The following STK3 variants were observed in gnomAD, a reference collection of about 807,000 sequenced individuals.
STK3 encodes serine/threonine-protein kinase 3.
In STK3, 41 loss-of-function variants were observed where a neutral mutation model predicts 58.0. The ratio of observed to expected loss-of-function variants is 0.71; its 90% CI spans 0.55 to 0.92. The LOEUF is 0.92. Among genes scored for constraint, STK3 ranks in the 40% least tolerant of loss-of-function variants. The pLI is 0.00. For missense variants in STK3, 479 were observed against 602.7 expected, an observed-to-expected ratio of 0.79 and a Z score of 2.15; for synonymous variants, 170 against 191.0, an observed-to-expected ratio of 0.89 and a Z score of 0.91.
Position 98,663,792 on chromosome 8 carries a change from T to C in STK3, c.684+42675A>G, listed in dbSNP as rs1246560150. The stretch of plus-strand genomic sequence containing the variant: ...AAGAAGAAAAAAGCAACCACCACAT[T>C]TTCTCACTCATAGGTGGGAACTGAA... On this transcript the variant is annotated intron_variant, in intron 6 of 10. Transcript: ENST00000419617. Among the ~76,000 whole-genome samples, 3 of 152,146 alleles carry C rather than the reference T, an allele frequency of 2.0e-5. No homozygotes were observed. In the East Asian group the frequency reaches 5.8e-4, roughly 29 times the overall value.
At chr8:98,710,606 C>T (rs1181294649) in intron 4 of STK3, among the ~76,000 whole-genome samples, 2 of 152,244 alleles carry the variant, frequency 1.3e-5, no homozygotes, top group East Asian at 3.8e-4. Context: ...GGGCGCCTGC[C>T]ATTGCCCAGG....
At chr8:98,677,810 C>A (rs976538917) in intron 6 of STK3, among the ~76,000 whole-genome samples, 8 of 152,120 alleles carry the variant, frequency 5.3e-5, no homozygotes, top group Non-Finnish European at 1.2e-4. Context: ...CTCAAAACTT[C>A]GCAAAACATT....
chr8:98,840,430 G>T (rs1403844297), intron 3 of STK3, among the ~76,000 whole-genome samples: 2 of 148,148 alleles, frequency 1.3e-5, no homozygotes, highest in Non-Finnish European at 3.0e-5. Context: ...AAATTACCTG[G>T]GTGTGGTGGC....
At chr8:98,486,522 TTTC>T (rs1822276534) in intron 10 of STK3, among the ~76,000 whole-genome samples, 1 of 152,198 alleles carries the variant, frequency 6.6e-6, no homozygotes, top group African/African-American at 2.4e-5. Context: ...ACTTTTAATG[TTTC>T]TTATTTTCAC....
chr8:98,824,091 A>T (rs1291410412), intron 1 of STK3, among the ~76,000 whole-genome samples: 1 of 152,206 alleles, frequency 6.6e-6, no homozygotes. Flanking sequence ...AAAATTCTAT[A>T]AAAAATGTTG....
chr8:98,841,843 A>G (rs1366424572), intron 3 of STK3, among the ~76,000 whole-genome samples: 1 of 152,140 alleles, frequency 6.6e-6, no homozygotes, highest in Non-Finnish European at 1.5e-5. Context: ...TTCAACAATC[A>G]GGAAAGACAA....
chr8:98,653,643 A>G (rs905942501), intron 6 of STK3, among the ~76,000 whole-genome samples: 2 of 152,224 alleles, frequency 1.3e-5, no homozygotes, highest in African/African-American at 4.8e-5. Flanking sequence ...AAAAATGATA[A>G]AGGGGATATC....
At chr8:98,889,530 G>C (rs1362181481) in intron 1 of STK3, among the ~76,000 whole-genome samples, 1 of 152,206 alleles carries the variant, frequency 6.6e-6, no homozygotes, top group Non-Finnish European at 1.5e-5. Flanking sequence ...ACAACCTTTT[G>C]ACATACAGAG....
chr8:98,468,804 A>G (rs1466708994), intron 10 of STK3, among the ~76,000 whole-genome samples: 2 of 152,220 alleles, frequency 1.3e-5, no homozygotes, highest in African/African-American at 4.8e-5. Flanking sequence ...ACTAATATGC[A>G]GAAATCACAG....
chr8:98,878,202 G>A (rs887437110), intron 3 of STK3, among the ~76,000 whole-genome samples: 1 of 151,868 alleles, frequency 6.6e-6, no homozygotes, highest in African/African-American at 2.4e-5. Context: ...ACAGGTGTGA[G>A]CCACTATGCC....
chr8:98,547,327 T>TA (rs1011920316), intron 9 of STK3, among the ~76,000 whole-genome samples: 3 of 152,170 alleles, frequency 2.0e-5, no homozygotes, highest in African/African-American at 7.2e-5. Flanking sequence ...AAACTGTTTT[T>TA]AAAAAAGAGA....
chr8:98,366,904 A>T (rs1335737013), downstream of STK3, among the ~76,000 whole-genome samples: 1 of 152,216 alleles, frequency 6.6e-6, no homozygotes, highest in Admixed American at 6.5e-5. Flanking sequence ...CCAACTACAC[A>T]TGCATTATTC....
chr8:98,768,741 A>G (rs1831104717), intron 2 of STK3, among the ~76,000 whole-genome samples: 1 of 152,216 alleles, frequency 6.6e-6, no homozygotes, highest in South Asian at 2.1e-4. Context: ...CCCTTCCCTG[A>G]ATGGTTCCTC....
intron 1 of STK3, among the ~76,000 whole-genome samples, chr8:98,928,676 C>A (rs186320671): frequency 2.6e-4 from 39 of 152,280 alleles, no homozygotes; most frequent in Admixed American, 1.8e-3. Context: ...AACCAAGCAC[C>A]ATTCTTTTCT....
intron 8 of STK3, among the ~76,000 whole-genome samples, chr8:98,570,834 A>C (rs1812903474): frequency 6.6e-6 from 1 of 152,248 alleles, no homozygotes; most frequent in African/African-American, 2.4e-5. Context: ...AGATGGTAAA[A>C]CTGAAGTAGA....
At chr8:98,824,729 T>C (rs1835140933) in intron 1 of STK3, among the ~76,000 whole-genome samples, 1 of 152,224 alleles carries the variant, frequency 6.6e-6, no homozygotes, top group Non-Finnish European at 1.5e-5. Context: ...TGAACACACC[T>C]TTCATCTAAA....
chr8:98,703,394 A>G (rs1164603085), intron 6 of STK3, among the ~76,000 whole-genome samples: 2 of 152,230 alleles, frequency 1.3e-5, no homozygotes, highest in South Asian at 2.1e-4. Context: ...AAATTACTAC[A>G]GTACAAAAAA....
the STK3 span, among the ~76,000 whole-genome samples, chr8:98,347,712 G>C: frequency 6.6e-6 from 1 of 152,024 alleles, no homozygotes; most frequent in African/African-American, 2.4e-5. Flanking sequence ...TGTCAGAGTG[G>C]ATAAAAAAGC....
At chr8:98,478,243 T>G (rs1340400570) in intron 10 of STK3, among the ~76,000 whole-genome samples, 1 of 152,188 alleles carries the variant, frequency 6.6e-6, no homozygotes. Flanking sequence ...AGGTGATCCC[T>G]ATGTATCTAC....
Sources: gnomAD v4.1 joint callset for allele counts (sites outside exome capture counted in the v4.1 genomes callset) on GRCh38, gnomAD v4.1.1 for gene constraint, MANE v1.5 for transcripts, NCBI Gene and HGNC (gene_info 2026-07-23, HGNC 2026-07-21) for gene names.